The following DCDC1 variants were observed in gnomAD, a reference collection of about 807,000 sequenced individuals.
DCDC1 encodes doublecortin domain containing 1.
A neutral mutation model predicts 178.3 loss-of-function variants in DCDC1; 200 were observed. That is an observed-to-expected ratio of 1.12 (90% CI 1.00 to 1.26). The LOEUF (loss-of-function observed/expected upper bound fraction) is 1.26. Among genes scored for constraint, DCDC1 ranks in the 50% most tolerant of loss-of-function variants. DCDC1 has a pLI of 0.00. For missense variants in DCDC1, 1,983 were observed against 1,749.2 expected (o/e 1.13, Z -2.38); for synonymous variants, 690 against 604.8 (o/e 1.14, Z -2.07).
At chr11:30,978,828 C>CATA (rs1565147912) in intron 20 of DCDC1, among the ~76,000 whole-genome samples, 2 of 127,082 alleles carry the variant, frequency 1.6e-5, no homozygotes, top group African/African-American at 6.6e-5. Context: ...ACACACACAC[C>CATA]CCCTTCTCAG....
intron 25 of DCDC1, 132 bp downstream of exon 25, chr11:30,920,644 C>T (rs1946184320): frequency 9.8e-7 from 1 of 1,023,292 alleles, no homozygotes; most frequent in East Asian, 2.7e-5. Context: ...TAATTAAATA[C>T]TAGCTCTTCA....
rs538977972 is a variant in DCDC1, at chr11:31,287,477, C to G, written c.960+3170G>C. ...AACATCTCAAAAGAAAAGGATGACA[C>G]TTTTCAAACTGAAAAGACATCCTGA... On this transcript the variant is annotated intron_variant, in intron 7 of 38. Coordinates refer to ENST00000684477, the MANE Select transcript of DCDC1 (RefSeq NM_001387274.1). Among the ~76,000 whole-genome samples, 21 of 151,922 alleles carry G rather than the reference C, an allele frequency of 1.4e-4. No homozygotes were observed. In the East Asian group the frequency reaches 4.1e-3, roughly 29 times the overall value.
chr11:30,974,963 A>C (rs539855025), intron 20 of DCDC1, among the ~76,000 whole-genome samples: 9 of 152,266 alleles, frequency 5.9e-5, no homozygotes, highest in Non-Finnish European at 1.2e-4. Flanking sequence ...TTTAGATGTA[A>C]AAATTTTCAA....
At chr11:31,209,754 C>T (rs934126585) in intron 9 of DCDC1, among the ~76,000 whole-genome samples, 15 of 151,918 alleles carry the variant, frequency 9.9e-5, no homozygotes, top group African/African-American at 3.6e-4. Context: ...GAGTTGTTTA[C>T]CAACAGAGAG....
intron 21 of DCDC1, among the ~76,000 whole-genome samples, chr11:30,938,423 C>T (rs1947417061): frequency 6.6e-6 from 1 of 152,206 alleles, no homozygotes; most frequent in African/African-American, 2.4e-5. Context: ...CACAGTTGTG[C>T]AGCTGGCTCT....
At chr11:31,092,901 A>G (rs1160061246) in intron 16 of DCDC1, among the ~76,000 whole-genome samples, 1 of 152,216 alleles carries the variant, frequency 6.6e-6, no homozygotes, top group African/African-American at 2.4e-5. Flanking sequence ...TTATATCACA[A>G]TGAAAGTTCT....
intron 9 of DCDC1, among the ~76,000 whole-genome samples, chr11:31,181,522 AG>A (rs1186538729): frequency 2.4e-4 from 37 of 152,358 alleles, no homozygotes; most frequent in African/African-American, 8.9e-4. Context: ...AAGAAGGAAC[AG>A]GCCACAGTCT....
chr11:30,957,192 T>C (rs1392302586), intron 20 of DCDC1, among the ~76,000 whole-genome samples: 4 of 152,142 alleles, frequency 2.6e-5, no homozygotes, highest in Non-Finnish European at 4.4e-5. Context: ...CTGTTAATTT[T>C]CCTTCCCTTC....
chr11:31,237,956 A>G (rs1976650193), intron 9 of DCDC1, among the ~76,000 whole-genome samples: 1 of 152,064 alleles, frequency 6.6e-6, no homozygotes, highest in African/African-American at 2.4e-5. Flanking sequence ...ACCATGATAT[A>G]ATAGATACTC....
chr11:31,262,376 T>C (rs531573601), intron 8 of DCDC1, among the ~76,000 whole-genome samples: 1 of 152,322 alleles, frequency 6.6e-6, no homozygotes, highest in South Asian at 2.1e-4. Flanking sequence ...AAAAGTAGTT[T>C]AATATTATAT....
intron 20 of DCDC1, among the ~76,000 whole-genome samples, chr11:31,006,450 A>G (rs1353082851): frequency 6.6e-6 from 1 of 152,122 alleles, no homozygotes; most frequent in Non-Finnish European, 1.5e-5. Context: ...TTCTCTCACC[A>G]AGTATCAGCT....
At chr11:31,196,686 C>T (rs146542241) in intron 9 of DCDC1, among the ~76,000 whole-genome samples, 1 of 152,076 alleles carries the variant, frequency 6.6e-6, no homozygotes, top group East Asian at 1.9e-4. Flanking sequence ...CTCTAAGCAC[C>T]TTGATGTGTT....
chr11:31,159,522 G>A (rs1326908525), intron 9 of DCDC1, among the ~76,000 whole-genome samples: 1 of 152,074 alleles, frequency 6.6e-6, no homozygotes, highest in Non-Finnish European at 1.5e-5. Flanking sequence ...CTAATGCATG[G>A]TCTGTATTTG....
At chr11:31,359,802 G>T (rs1002440738) in intron 1 of DCDC1, among the ~76,000 whole-genome samples, 1 of 152,130 alleles carries the variant, frequency 6.6e-6, no homozygotes, top group Non-Finnish European at 1.5e-5. Flanking sequence ...AAACTCTAAA[G>T]TTCTCTGTCT....
chr11:31,130,880 G>A (rs1435839811), intron 10 of DCDC1, among the ~76,000 whole-genome samples: 1 of 150,772 alleles, frequency 6.6e-6, no homozygotes, highest in Admixed American at 6.6e-5. Context: ...AAAAGAAAAT[G>A]AGATAAAGAA....
At chr11:30,873,178 G>A (rs1244066839) in intron 38 of DCDC1, among the ~76,000 whole-genome samples, 2 of 150,910 alleles carry the variant, frequency 1.3e-5, no homozygotes, top group Non-Finnish European at 1.5e-5. Flanking sequence ...TGTTAGCTGG[G>A]CTAGCTTAGA....
chr11:31,341,376 C>T (rs1950528238), intron 1 of DCDC1, among the ~76,000 whole-genome samples: 1 of 135,192 alleles, frequency 7.4e-6, no homozygotes, highest in Non-Finnish European at 1.6e-5. Context: ...ATGGAAATTC[C>T]AGTTTTATAG....
At chr11:30,900,600 T>A in intron 32 of DCDC1, 102 bp from the exon 33 acceptor site, 2 of 1,195,698 alleles carry the variant, frequency 1.7e-6, no homozygotes, top group Non-Finnish European at 2.2e-6. Context: ...ATTAATAACT[T>A]AATTTGATTT....
chr11:31,220,099 A>G (rs1309492697), intron 9 of DCDC1, among the ~76,000 whole-genome samples: 1 of 152,228 alleles, frequency 6.6e-6, no homozygotes. Context: ...ATAACCCTAT[A>G]TTCTAGGAAG....
Sources: allele counts gnomAD v4.1 joint callset (sites outside exome capture counted in the v4.1 genomes callset), GRCh38; gene constraint gnomAD v4.1.1; transcripts MANE v1.5; gene names NCBI Gene and HGNC (gene_info 2026-07-23, HGNC 2026-07-21).